ZNF573: variants seen among roughly 807,000 people sequenced by gnomAD.
The protein encoded by ZNF573 is zinc finger protein 573.
A neutral mutation model predicts 57.4 loss-of-function variants in ZNF573; 41 were observed. The observed-to-expected ratio is 0.71, with a 90% CI of 0.56 to 0.93. The LOEUF is 0.93. Ranked by LOEUF, ZNF573 falls within the 40% of genes least tolerant of loss-of-function variation. The probability of loss-of-function intolerance (pLI) is 0.00; values close to 1 mark genes in which losing one functional copy is unlikely to be tolerated. For synonymous variants in ZNF573, 249 were observed against 261.0 expected (o/e 0.95, Z 0.44); for missense variants, 730 against 794.8 (o/e 0.92, Z 0.98).
chr19:37,758,250 TATATATATATATATAA>T (rs1404719255), intron 4 of ZNF573, among the ~76,000 whole-genome samples: 28 of 87,604 alleles, frequency 3.2e-4, no homozygotes, highest in African/African-American at 1.2e-3. Flanking sequence ...TATATATATA[TATATATATATATATAA>T]AATTACCCAG....
intron 4 of ZNF573, among the ~76,000 whole-genome samples, chr19:37,760,111 CCACA>C (rs2045537012): frequency 6.6e-6 from 1 of 152,158 alleles, no homozygotes; most frequent in Admixed American, 6.5e-5. Context: ...GGCCACATTG[CCACA>C]CATACGTACA....
At chr19:37,770,150 A>G in intron 3 of ZNF573, 53 bp from the exon 4 acceptor site, 1 of 1,370,256 alleles carries the variant, frequency 7.3e-7, no homozygotes, top group Admixed American at 2.5e-5. Flanking sequence ...AAAGTAACAG[A>G]AACCTTTGAG....
intron 4 of ZNF573, among the ~76,000 whole-genome samples, chr19:37,747,688 A>G (rs1275958173): frequency 6.6e-6 from 1 of 151,898 alleles, no homozygotes; most frequent in African/African-American, 2.4e-5. Flanking sequence ...TGAAAAGCAT[A>G]CTTCACCTCT....
intron 1 of ZNF573, among the ~76,000 whole-genome samples, chr19:37,775,619 T>C (rs1215612416): frequency 1.3e-5 from 2 of 151,902 alleles, no homozygotes; most frequent in Non-Finnish European, 2.9e-5. Flanking sequence ...AAAAAAGGCA[T>C]CCAAATTGAT....
rs199643444 is a variant in ZNF573 at position 37,775,010 on chromosome 19, C to CTT, written c.-22-1260_-22-1259insAA. ...CATCCAGTCTACTGCTAAACTCTCT[C>CTT]TCTTTTTTTTTTTTTTTTTTAAGGG... On this transcript the variant is annotated intron_variant, in intron 1 of 4. Transcript: ENST00000536220. 7.6e-3 allele frequency among the ~76,000 whole-genome samples: 1,077 copies of CTT among 141,662 alleles called. 24 individuals carry two copies. Among genetic ancestry groups the CTT allele is most frequent in the African/African-American group, 0.027 (1,024 of 38,114 alleles). The allele number at this position is 141,662 out of a possible 152,430, so 92.9% of individuals were successfully genotyped here. A position where few individuals can be genotyped will look rare whatever the true frequency, so the allele number is the denominator to read the frequency against.
chr19:37,767,648 TG>T (rs2045614767), intron 4 of ZNF573, among the ~76,000 whole-genome samples: 1 of 152,184 alleles, frequency 6.6e-6, no homozygotes, highest in Admixed American at 6.6e-5. Context: ...ACTTACTGGC[TG>T]TTGTGCAGTG....
At chr19:37,770,885 T>C (rs2045652888) in intron 3 of ZNF573, among the ~76,000 whole-genome samples, 1 of 129,990 alleles carries the variant, frequency 7.7e-6, no homozygotes, top group African/African-American at 3.1e-5. Context: ...CCCCCTCCCT[T>C]CCAAAGAGTG....
In ZNF573 at chr19:37,738,578, A is replaced by C; in HGVS notation, c.1912T>G (p.Tyr638Asp). Residue 638 changes from tyrosine to aspartate, a missense_variant, in exon 5 of 5, where the codon TAT becomes GAT. Transcript: ENST00000536220. The part of the protein sequence containing the change: ...HERIHTGEKP[Y>D]VCKQCGKTFR... ...GTTTTCCCACACTGCTTACACACAT[A>C]GGGTTTCTCACCAGTATGAATTCTC... 1 of 1,606,344 alleles carries C rather than the reference A, an allele frequency of 6.2e-7. No individual in the cohort carries two copies. The highest frequency in any genetic ancestry group is 8.5e-7 in the Non-Finnish European group (1 of 1,176,884).
In ZNF573 at chr19:37,738,537, T is replaced by C; in HGVS notation, c.1953A>G (p.Ser651=). The change falls in exon 5 of 5, where the codon TCA becomes TCG. Residue 651 remains serine (S), a synonymous_variant. Transcript: ENST00000536220. ...GAATTCTCTGATGGGCTTTAAGGGC[T>C]GAACCATATCTGAAGGTTTTCCCAC... The part of the protein sequence containing the change: ...KQCGKTFRYG[S]ALKAHQRIHR... 6.4e-7 allele frequency: 1 copy of C among 1,566,696 alleles called. No individual in the cohort carries two copies.
intron 4 of ZNF573, 62 bp from the exon 5 acceptor site, chr19:37,740,256 A>C (rs1377091716): frequency 3.5e-6 from 5 of 1,426,206 alleles, no homozygotes; most frequent in Non-Finnish European, 4.7e-6. Context: ...AAGAAACTTT[A>C]TGCAACAAAG....
At chr19:37,743,518 G>A (rs1310498893) in intron 4 of ZNF573, among the ~76,000 whole-genome samples, 1 of 152,090 alleles carries the variant, frequency 6.6e-6, no homozygotes, top group Non-Finnish European at 1.5e-5. Flanking sequence ...TGGAGAAATA[G>A]GAATACTTTT....
intron 1 of ZNF573, among the ~76,000 whole-genome samples, chr19:37,774,743 G>A (rs2045692166): frequency 6.6e-6 from 1 of 152,102 alleles, no homozygotes; most frequent in African/African-American, 2.4e-5. Context: ...ACAGGCTATA[G>A]GACATCAATA....
chr19:37,764,408 T>A (rs893844165), intron 4 of ZNF573, among the ~76,000 whole-genome samples: 10 of 145,970 alleles, frequency 6.9e-5, no homozygotes, highest in African/African-American at 1.8e-4. Context: ...GCAACCTCCA[T>A]CTCCCGGATT....
intron 4 of ZNF573, among the ~76,000 whole-genome samples, chr19:37,764,554 C>T (rs558568265): frequency 3.7e-4 from 56 of 151,026 alleles, no homozygotes; most frequent in African/African-American, 1.2e-3. Context: ...CTCTTGACCT[C>T]GTGATCTGCC....
chr19:37,739,161 T>A lies in ZNF573; in HGVS notation c.1329A>T (p.Glu443Asp), dbSNP rs750051275. ...TAAAGGTTTTTTTACACTCCTTACA[T>A]TCAAAGTGTTTCATGCCAGTATGAA... ...QKIHTGMKHF[E>D]CKECKKTFTL... The change falls in exon 5 of 5, where the codon GAA (glutamate) becomes GAT (aspartate). Residue 443 changes from glutamate (E) to aspartate (D), a missense_variant. Glu to Asp is a conservative substitution (Grantham distance 45, BLOSUM62 2). Transcript: ENST00000536220. The A allele has an allele frequency of 5.6e-6, 9 of 1,613,296 alleles. No homozygotes were observed. Among genetic ancestry groups the A allele is most frequent in the South Asian group, 1.1e-5 (1 of 90,832 alleles).
intron 4 of ZNF573, among the ~76,000 whole-genome samples, chr19:37,742,887 G>A (rs992531498): frequency 6.6e-6 from 1 of 152,146 alleles, no homozygotes. Flanking sequence ...AGAGTGAACA[G>A]GCAACCTACA....
At chr19:37,753,348 A>G (rs2045456657) in intron 4 of ZNF573, among the ~76,000 whole-genome samples, 2 of 152,166 alleles carry the variant, frequency 1.3e-5, no homozygotes, top group South Asian at 2.1e-4. Flanking sequence ...CACCTCAAGT[A>G]TTTATCCTTT....
In ZNF573 at chr19:37,770,832, T is replaced by TTATATATATATATATATATATATA. The variant is rs58757674; in HGVS notation, c.202+708_202+731dup. 1.7e-3 allele frequency among the ~76,000 whole-genome samples: 163 copies of TTATATATATATATATATATATATA among 93,644 alleles called. 12 individuals carry two copies. Among genetic ancestry groups the TTATATATATATATATATATATATA allele is most frequent in the East Asian group, 3.9e-3 (5 of 1,272 alleles). 61.4% of individuals were successfully genotyped at this position (93,644 alleles called of 152,430 possible). A position where few individuals can be genotyped will look rare whatever the true frequency, so the allele number is the denominator to read the frequency against. On this transcript the variant is annotated intron_variant, in intron 3 of 4. Coordinates refer to ENST00000536220, the MANE Select transcript of ZNF573 (RefSeq NM_001172690.2). Reference sequence around the variant, plus strand: ...ACAGTTCTTTCAGGATTAAGTTATTTTATATATATATATATATATATATAT... The same window carrying TTATATATATATATATATATATATA: ...ACAGTTCTTTCAGGATTAAGTTATTTTATATATATATATATATATATATATATATATATATATATATATATATAT...
intron 4 of ZNF573, among the ~76,000 whole-genome samples, chr19:37,743,746 C>G (rs1034375307): frequency 7.2e-5 from 11 of 152,280 alleles, no homozygotes; most frequent in Middle Eastern, 3.4e-3. Context: ...CCCAAATGCC[C>G]ATCAATGATA....
Sources: allele counts gnomAD v4.1 joint callset (sites outside exome capture counted in the v4.1 genomes callset), GRCh38; gene constraint gnomAD v4.1.1; transcripts MANE v1.5; gene names NCBI Gene and HGNC (gene_info 2026-07-23, HGNC 2026-07-21).